Variants in LRRC37A2 observed in about 807,000 individuals in gnomAD.
LRRC37A2 encodes leucine rich repeat containing 37 member A2, also known as leucine-rich repeat-containing protein 37A2.
In LRRC37A2, 9 loss-of-function variants were observed where a neutral mutation model predicts 68.8. The ratio of observed to expected loss-of-function variants is 0.13; its 90% CI spans 0.08 to 0.23. The LOEUF (loss-of-function observed/expected upper bound fraction) is 0.23, where lower values mean the gene tolerates loss of function less well. Ranked by LOEUF, LRRC37A2 falls within the 10% of genes least tolerant of loss-of-function variation. LRRC37A2 has a pLI of 1.00. For synonymous variants in LRRC37A2, 63 were observed against 367.6 expected (o/e 0.17, Z 9.48); for missense variants, 168 against 950.4 (o/e 0.18, Z 10.82).
At chr17:46,984,479 T>G in the LRRC37A2 span, among the ~76,000 whole-genome samples, 1 of 152,172 alleles carries the variant, frequency 6.6e-6, no homozygotes, top group Admixed American at 6.5e-5. Context: ...ACCACCCACA[T>G]GGGACTATTT....
At chr17:46,989,095 ACT>A in the LRRC37A2 span, among the ~76,000 whole-genome samples, 1 of 152,108 alleles carries the variant, frequency 6.6e-6, no homozygotes, top group Non-Finnish European at 1.5e-5. Context: ...TCATTTTCAG[ACT>A]CTGCTAGCAT....
the LRRC37A2 span, among the ~76,000 whole-genome samples, chr17:46,796,541 A>G: frequency 6.6e-6 from 1 of 152,206 alleles, no homozygotes; most frequent in African/African-American, 2.4e-5. Flanking sequence ...AAGGAGTTGG[A>G]TGAGAGATCC....
At chr17:46,906,446 A>G in the LRRC37A2 span, among the ~76,000 whole-genome samples, 1 of 152,184 alleles carries the variant, frequency 6.6e-6, no homozygotes, top group African/African-American at 2.4e-5. Context: ...AAGAGACATG[A>G]TCTTGCTCTA....
the LRRC37A2 span, among the ~76,000 whole-genome samples, chr17:46,822,719 T>C: frequency 6.6e-6 from 1 of 152,160 alleles, no homozygotes. Context: ...AAGGGGTGCA[T>C]GGCTTCAGGC....
chr17:46,878,680 C>A, the LRRC37A2 span, among the ~76,000 whole-genome samples: 3 of 152,102 alleles, frequency 2.0e-5, no homozygotes, highest in African/African-American at 7.2e-5. Context: ...CAGTGCTGGG[C>A]GTAAGGCAGC....
chr17:46,770,883 T>C, the LRRC37A2 span, among the ~76,000 whole-genome samples: 1 of 152,210 alleles, frequency 6.6e-6, no homozygotes, highest in African/African-American at 2.4e-5. Flanking sequence ...CATTGACGAT[T>C]AGGGAGGCCA....
chr17:46,729,042 GT>G, the LRRC37A2 span: 1 of 687,586 alleles, frequency 1.5e-6, no homozygotes, highest in Non-Finnish European at 2.3e-6. Flanking sequence ...ATAAAATTCT[GT>G]TGTTGAAAGG....
the LRRC37A2 span, among the ~76,000 whole-genome samples, chr17:46,816,622 T>C: frequency 2.0e-5 from 3 of 152,098 alleles, no homozygotes; most frequent in Non-Finnish European, 4.4e-5. Flanking sequence ...CCTTCCAGGT[T>C]TCCCCAGCGT....
intron 12 of LRRC37A2, chr17:46,554,428 A>G: frequency 3.8e-5 from 1 of 26,534 alleles, no homozygotes. Flanking sequence ...TGTCTCAAAT[A>G]AAAAAAAAAC....
the LRRC37A2 span, among the ~76,000 whole-genome samples, chr17:46,887,891 C>T: frequency 1.3e-5 from 2 of 152,218 alleles, no homozygotes; most frequent in African/African-American, 4.8e-5. Context: ...AGGCGGAGTC[C>T]CTGCTCTTAA....
chr17:47,019,495 C>T, the LRRC37A2 span: 1 of 1,571,054 alleles, frequency 6.4e-7, no homozygotes, highest in Non-Finnish European at 8.8e-7. Context: ...CATTCTACAG[C>T]CCTGGAGAAG....
At chr17:46,890,518 G>C in the LRRC37A2 span, among the ~76,000 whole-genome samples, 100 of 152,282 alleles carry the variant, frequency 6.6e-4, no homozygotes, top group African/African-American at 2.2e-3. Context: ...CTGGTGTCGT[G>C]TGACAGCACT....
chr17:46,893,803 T>G, the LRRC37A2 span, among the ~76,000 whole-genome samples: 1 of 152,148 alleles, frequency 6.6e-6, no homozygotes, highest in Non-Finnish European at 1.5e-5. Flanking sequence ...CAATTCATTC[T>G]CCTGAGCTAG....
chr17:46,727,221 G>T, the LRRC37A2 span, among the ~76,000 whole-genome samples: 1 of 152,158 alleles, frequency 6.6e-6, no homozygotes, highest in Non-Finnish European at 1.5e-5. Context: ...CTGTGTTGAA[G>T]TGCACTCCTA....
At chr17:46,954,095 C>T in the LRRC37A2 span, among the ~76,000 whole-genome samples, 1 of 152,206 alleles carries the variant, frequency 6.6e-6, no homozygotes, top group African/African-American at 2.4e-5. Context: ...GTGTTTTAGA[C>T]ATGAAGTCCT....
At chr17:46,803,697 T>C in the LRRC37A2 span, among the ~76,000 whole-genome samples, 1 of 152,194 alleles carries the variant, frequency 6.6e-6, no homozygotes, top group Non-Finnish European at 1.5e-5. Flanking sequence ...CATCCCATGC[T>C]GGAGGCCCCA....
the LRRC37A2 span, among the ~76,000 whole-genome samples, chr17:47,002,388 AT>A: frequency 6.7e-4 from 94 of 140,126 alleles, no homozygotes; most frequent in African/African-American, 5.7e-4. Flanking sequence ...TTTTATTTTT[AT>A]TTTTTTTTTT....
At chr17:46,819,444 C>G in the LRRC37A2 span, among the ~76,000 whole-genome samples, 1 of 152,200 alleles carries the variant, frequency 6.6e-6, no homozygotes, top group Non-Finnish European at 1.5e-5. This position sits in a 1 kb window ranked among gnomAD's most constrained non-coding sequence, Gnocchi z 5.3. Context: ...GCATTTCCTG[C>G]TCTCGGAGTC....
At chr17:46,541,076 G>GTC (rs2055222567) in intron 8 of LRRC37A2, among the ~76,000 whole-genome samples, 195 bp downstream of exon 7, 1 of 124,384 alleles carries the variant, frequency 8.0e-6, no homozygotes, top group Non-Finnish European at 1.6e-5. Context: ...AAGCATTTCT[G>GTC]ATGCCTCAAA....
Sources: gnomAD v4.1 joint callset for allele counts (sites outside exome capture counted in the v4.1 genomes callset) on GRCh38, gnomAD v4.1.1 for gene constraint, Gnocchi (gnomAD v3.1) non-coding constraint, MANE v1.5 for transcripts, NCBI Gene and HGNC (gene_info 2026-07-23, HGNC 2026-07-21) for gene names.